The following CLIP1 variants were observed in gnomAD, a reference collection of about 807,000 sequenced individuals.
CLIP1 encodes the protein CAP-Gly domain-containing linker protein 1.
In CLIP1, 66 loss-of-function variants were observed where a neutral mutation model predicts 161.6. That is an observed-to-expected ratio of 0.41 (90% CI 0.33 to 0.50). The LOEUF is 0.50. Ranked by LOEUF, CLIP1 falls within the 20% of genes least tolerant of loss-of-function variation. The probability of loss-of-function intolerance (pLI) is 0.27; values close to 1 mark genes in which losing one functional copy is unlikely to be tolerated. For missense variants in CLIP1, 1,376 were observed against 1,702.0 expected (o/e 0.81, Z 3.37); for synonymous variants, 598 against 626.2 (o/e 0.96, Z 0.67).
intron 3 of CLIP1, among the ~76,000 whole-genome samples, chr12:122,370,972 A>G (rs909652932): frequency 1.6e-4 from 19 of 120,634 alleles, no homozygotes; most frequent in African/African-American, 1.0e-3. Flanking sequence ...AAAAAAAAGA[A>G]AAAAAAAAAA....
chr12:122,355,226 A>G lies in CLIP1; in HGVS notation c.1092T>C (p.Ile364=), dbSNP rs147210456. ...GATCCCGTTCCGCCAGCAGCTGCTC[A>G]ATGTGCTGCTGCTTCTCCTTCAGGG... ...QEALKEKQQH[I]EQLLAERDLE... is the part of the protein sequence containing the mutation. Residue 364 remains isoleucine (I), a synonymous_variant, in exon 6 of 26, where the codon ATT becomes ATC. Transcript: ENST00000620786. This position sits in a 1 kb window ranked among gnomAD's most constrained non-coding sequence, Gnocchi z 4.1. The G allele has an allele frequency of 1.6e-5, 26 of 1,614,152 alleles. No individual in the cohort carries two copies. Among genetic ancestry groups the G allele is most frequent in the Non-Finnish European group, 2.0e-5 (24 of 1,179,992 alleles).
chr12:122,349,857 C>A (rs537552257), intron 9 of CLIP1, among the ~76,000 whole-genome samples: 1 of 151,980 alleles, frequency 6.6e-6, no homozygotes. Context: ...CCCTTCAGAA[C>A]GAAGACCTTT....
intron 20 of CLIP1, among the ~76,000 whole-genome samples, chr12:122,290,427 T>C (rs1293341966): frequency 2.6e-5 from 4 of 152,264 alleles, no homozygotes; most frequent in Admixed American, 2.6e-4. Context: ...AGAGAACATC[T>C]GGAGAGTGGG....
chr12:122,313,530 C>T (rs1471423543), intron 19 of CLIP1, among the ~76,000 whole-genome samples: 2 of 151,746 alleles, frequency 1.3e-5, no homozygotes, highest in Non-Finnish European at 2.9e-5. Context: ...AGTTCGAGAC[C>T]AGCCTGATCA....
chr12:122,390,191 ATATATAATAT>A (rs1955546959), intron 1 of CLIP1, among the ~76,000 whole-genome samples: 1 of 135,528 alleles, frequency 7.4e-6, no homozygotes, highest in African/African-American at 2.7e-5. Context: ...ATATATATAT[ATATATAATAT>A]ATATATACAC....
intron 1 of CLIP1, among the ~76,000 whole-genome samples, chr12:122,384,397 A>G (rs1955143800): frequency 1.3e-5 from 2 of 152,146 alleles, no homozygotes; most frequent in African/African-American, 2.4e-5. Context: ...TGCAATTACC[A>G]TTAGTCCAAT....
rs115700791 is a variant in CLIP1 at position 122,386,518 on chromosome 12, T to C, written c.-106-5960A>G. On this transcript the variant is annotated intron_variant, in intron 1 of 25. Transcript: ENST00000620786. ...CACAAAGCTGGATAAAAATAGGCATTTGGATAGTCAAGTCAGTGTTCCAAA... is the reference window on the plus strand; with the variant it reads ...CACAAAGCTGGATAAAAATAGGCATCTGGATAGTCAAGTCAGTGTTCCAAA... 3.7e-3 allele frequency among the ~76,000 whole-genome samples: 557 copies of C among 152,234 alleles called. 4 individuals carry two copies. The highest frequency in any genetic ancestry group is 0.012 in the African/African-American group (516 of 41,558).
intron 17 of CLIP1, among the ~76,000 whole-genome samples, chr12:122,325,051 A>T (rs1181105798): frequency 1.5e-5 from 2 of 134,134 alleles, no homozygotes; most frequent in Non-Finnish European, 3.1e-5. Context: ...CTGCAATGAT[A>T]TAATTTTTTT....
At chr12:122,403,494 G>GTTTTTTTTTTTT (rs1036910823) in intron 1 of CLIP1, among the ~76,000 whole-genome samples, 4 of 55,816 alleles carry the variant, frequency 7.2e-5, no homozygotes, top group Non-Finnish European at 8.2e-5. Flanking sequence ...ATCATTTCTT[G>GTTTTTTTTTTTT]TTTTGTTTTT....
rs1555280674 is a variant in CLIP1 at position 122,390,289 on chromosome 12, T to TAC, written c.-106-9732_-106-9731insGT. ...ACACATATATATATACATATATATA[T>TAC]ATATATATATATATGTATATATATA... On this transcript the variant is annotated intron_variant, in intron 1 of 25. Transcript: ENST00000620786. Among the ~76,000 whole-genome samples, 16 of 132,098 alleles carry TAC rather than the reference T, an allele frequency of 1.2e-4. No individual in the cohort carries two copies. In the East Asian group the frequency reaches 4.1e-3, roughly 34 times the overall value. 86.7% of individuals were successfully genotyped at this position (132,098 alleles called of 152,430 possible).
intron 24 of CLIP1, chr12:122,276,708 TACAAA>T: frequency 3.6e-6 from 1 of 275,418 alleles, no homozygotes; most frequent in Non-Finnish European, 7.2e-6. Flanking sequence ...GACTAATACA[TACAAA>T]GTATATTAAA....
chr12:122,363,391 C>T (rs1295420311), intron 4 of CLIP1, among the ~76,000 whole-genome samples: 1 of 151,758 alleles, frequency 6.6e-6, no homozygotes, highest in Non-Finnish European at 1.5e-5. Context: ...ACTTGGGAGG[C>T]TGAGGCAGGA....
chr12:122,416,194 G>A (rs538594684), intron 1 of CLIP1, among the ~76,000 whole-genome samples: 1 of 152,232 alleles, frequency 6.6e-6, no homozygotes, highest in East Asian at 1.9e-4. Flanking sequence ...CCAAGATAGC[G>A]CCACTGCTCT....
chr12:122,351,522 C>T (rs747621425), intron 8 of CLIP1, among the ~76,000 whole-genome samples: 1 of 152,114 alleles, frequency 6.6e-6, no homozygotes, highest in Non-Finnish European at 1.5e-5. Context: ...AGAAAATGCC[C>T]CCCTTGCTCT....
At chr12:122,401,638 A>C (rs1593252437) in intron 1 of CLIP1, among the ~76,000 whole-genome samples, 1 of 152,066 alleles carries the variant, frequency 6.6e-6, no homozygotes, top group East Asian at 1.9e-4. Flanking sequence ...ATTGTACTCC[A>C]AGAAAGTAGG....
chr12:122,340,615 A>G, intron 11 of CLIP1, 138 bp downstream of exon 11: 1 of 666,246 alleles, frequency 1.5e-6, no homozygotes. Flanking sequence ...AACATACTAC[A>G]CTATACTCAA....
At chr12:122,375,374 T>A (rs114614794) in intron 3 of CLIP1, among the ~76,000 whole-genome samples, 2,861 of 151,746 alleles carry the variant, frequency 0.019, 73 homozygotes, top group African/African-American at 0.062. Flanking sequence ...TAGAGTGCAG[T>A]GGCGCAAACT....
chr12:122,314,126 AC>A, intron 19 of CLIP1, among the ~76,000 whole-genome samples: 1 of 152,092 alleles, frequency 6.6e-6, no homozygotes. Context: ...CCCTGTTTCT[AC>A]TAAAAATACA....
intron 1 of CLIP1, among the ~76,000 whole-genome samples, chr12:122,398,657 C>G (rs563853894): frequency 1.6e-4 from 24 of 151,848 alleles, no homozygotes; most frequent in Admixed American, 1.1e-3. Flanking sequence ...CACTTAAGTC[C>G]AGGAGTCTGA....
Sources: gnomAD v4.1 joint callset for allele counts (sites outside exome capture counted in the v4.1 genomes callset) on GRCh38, gnomAD v4.1.1 for gene constraint, Gnocchi (gnomAD v3.1) non-coding constraint, MANE v1.5 for transcripts, NCBI Gene and HGNC (gene_info 2026-07-23, HGNC 2026-07-21) for gene names.